Variants in HOMER3 observed in about 807,000 individuals in gnomAD.
HOMER3 encodes homer scaffold protein 3.
Under a neutral mutation model 45.5 loss-of-function variants are expected in HOMER3, and 34 were observed. The observed-to-expected ratio is 0.75, with a 90% CI of 0.57 to 1.00. The LOEUF (loss-of-function observed/expected upper bound fraction) is 1.00. HOMER3 is among the 50% of genes least tolerant of loss of function. The pLI, the probability that HOMER3 is intolerant of heterozygous loss-of-function variation, is 0.00. For missense variants in HOMER3, 480 were observed against 497.5 expected (o/e 0.96, Z 0.33); for synonymous variants, 223 against 208.8 (o/e 1.07, Z -0.58).
At chr19:18,936,205 T>C (rs2057090491) in intron 4 of HOMER3, among the ~76,000 whole-genome samples, 1 of 150,308 alleles carries the variant, frequency 6.7e-6, no homozygotes, top group Non-Finnish European at 1.5e-5. Context: ...CCCAGCTACT[T>C]GGGAGGCTGA....
At chr19:18,929,844 G>A (rs1024621824) in intron 9 of HOMER3, among the ~76,000 whole-genome samples, 2 of 152,008 alleles carry the variant, frequency 1.3e-5, no homozygotes, top group East Asian at 2.0e-4. Flanking sequence ...AAGGAGTTTC[G>A]CTCTTGTCGC....
At chr19:18,930,643 T>C (rs58575444) in intron 9 of HOMER3, among the ~76,000 whole-genome samples, 6,817 of 151,768 alleles carry the variant, frequency 0.045, 504 homozygotes, top group African/African-American at 0.15. Context: ...TTTGGGAGGC[T>C]GAGGGCAGAT....
At chr19:18,933,617 C>T (rs1305292101) in intron 5 of HOMER3, among the ~76,000 whole-genome samples, 6 of 152,204 alleles carry the variant, frequency 3.9e-5, no homozygotes, top group Non-Finnish European at 8.8e-5. Context: ...TGGTACACAG[C>T]AGGTGCTCAA....
intron 9 of HOMER3, 143 bp from the exon 10 acceptor site, chr19:18,929,777 C>A: frequency 1.7e-6 from 1 of 602,948 alleles, no homozygotes; most frequent in Non-Finnish European, 2.8e-6. Context: ...AAAATGCACA[C>A]CCCACAGGGG....
chr19:18,933,439 C>A (rs1438267617), intron 5 of HOMER3, among the ~76,000 whole-genome samples: 1 of 152,192 alleles, frequency 6.6e-6, no homozygotes, highest in East Asian at 1.9e-4. Context: ...CTGCCCAGGC[C>A]GAATTCGTGT....
chr19:18,929,592 C>G lies in HOMER3; in HGVS notation c.937G>C (p.Ala313Pro). 1 of 1,539,744 alleles carries G rather than the reference C, an allele frequency of 6.5e-7. No individual in the cohort carries two copies. The highest frequency in any genetic ancestry group is 8.8e-7 in the Non-Finnish European group (1 of 1,141,790). Residue 313 changes from alanine to proline, a missense_variant, in exon 10 of 10, where the codon GCG (alanine) becomes CCG (proline). Transcript: ENST00000392351. ...GCCTCCTCCAGGCTGCGCTCCATCG[C>G]CCGCAGCTGGTGCTCCAACTCCGCA... ...RNAELEHQLRAMERSLEEARA... is the reference protein window; with the variant it reads ...RNAELEHQLRPMERSLEEARA...
intron 9 of HOMER3, 97 bp from the exon 10 acceptor site, chr19:18,929,731 C>G (rs1287426823): frequency 4.7e-6 from 5 of 1,055,876 alleles, no homozygotes; most frequent in Admixed American, 3.0e-5. Flanking sequence ...CCTCTTCTGC[C>G]CAGAGCCATC....
chr19:18,932,994 A>C lies in HOMER3; in HGVS notation c.463T>G (p.Phe155Val). The change falls in exon 6 of 10, where the codon TTC becomes GTC. Residue 155 changes from phenylalanine (F) to valine (V), a missense_variant. Phe to Val is a conservative substitution (Grantham distance 50, BLOSUM62 -1). Coordinates refer to ENST00000392351, the MANE Select transcript of HOMER3 (RefSeq NM_004838.4). ...SANGPGEEKL[F>V]RSQSADAPGP... The stretch of plus-strand genomic sequence containing the variant: ...GGGGCATCAGCGCTCTGGCTGCGGA[A>C]CAGTTTTTCCTCGCCGGGGCCGTTG... The C allele has an allele frequency of 6.8e-7, 1 of 1,472,300 alleles. No individual in the cohort carries two copies. The highest frequency in any genetic ancestry group is 9.0e-7 in the Non-Finnish European group (1 of 1,114,842). The allele number at this position is 1,472,300 out of a possible 1,614,324, so 91.2% of individuals were successfully genotyped here.
intron 4 of HOMER3, among the ~76,000 whole-genome samples, chr19:18,936,958 G>A (rs569374947): frequency 6.8e-4 from 101 of 149,018 alleles, no homozygotes; most frequent in Middle Eastern, 3.6e-3. Context: ...CCAAGATCGC[G>A]CCACTGCACT....
Position 18,938,473 on chromosome 19 carries a change from G to A in HOMER3, c.183C>T (p.Asn61=). The change falls in exon 4 of 10, where the codon AAC becomes AAT. Residue 61 remains asparagine, a synonymous_variant. Coordinates refer to ENST00000392351, the MANE Select transcript of HOMER3 (RefSeq NM_004838.4). ...ISIGGAKAII[N]STVTPNMTFT... is the part of the protein sequence containing the mutation. ...AGGTCATGTTGGGAGTGACAGTGCT[G>A]TTGATGATGGCCTAGGGTCGGGGAA... 6.2e-7 allele frequency: 1 copy of A among 1,613,792 alleles called. No individual in the cohort carries two copies. The highest frequency in any genetic ancestry group is 8.5e-7 in the Non-Finnish European group (1 of 1,179,672).
chr19:18,939,563 G>A (rs564131296), intron 1 of HOMER3: 1 of 152,720 alleles, frequency 6.5e-6, no homozygotes, highest in East Asian at 1.9e-4. Flanking sequence ...ACCCTGTACA[G>A]GAGATGGCCC....
Position 18,932,019 on chromosome 19 carries a change from T to C in HOMER3, c.647A>G (p.Gln216Arg), listed in dbSNP as rs1184686836. The change falls in exon 7 of 10, where the codon CAG becomes CGG. Residue 216 changes from glutamine to arginine, a missense_variant. Coordinates refer to ENST00000392351, the MANE Select transcript of HOMER3 (RefSeq NM_004838.4). Reference sequence around the variant, plus strand: ...GGCCTCTGCACGCTGAGCCTCCAGCTGCTGCCTCCACTGGGCTGCGGCGGC... The same window carrying C: ...GGCCTCTGCACGCTGAGCCTCCAGCCGCTGCCTCCACTGGGCTGCGGCGGC... ...ANAAAAQWRQQLEAQRAEAER... is the reference protein window; with the variant it reads ...ANAAAAQWRQRLEAQRAEAER... The C allele has an allele frequency of 1.9e-6, 3 of 1,548,600 alleles. No homozygotes were observed. Among genetic ancestry groups the C allele is most frequent in the Non-Finnish European group, 2.6e-6 (3 of 1,147,092 alleles).
intron 1 of HOMER3, chr19:18,940,062 G>T (rs1474363250): frequency 6.5e-6 from 1 of 152,940 alleles, no homozygotes; most frequent in Non-Finnish European, 1.5e-5. Flanking sequence ...AGACAGGTGG[G>T]GGAGGGGAGG....
intron 1 of HOMER3, chr19:18,940,845 T>A (rs1345967196): frequency 6.6e-6 from 1 of 152,254 alleles, no homozygotes; most frequent in Non-Finnish European, 1.5e-5. Flanking sequence ...TCCAGAACTT[T>A]GGGAACCTCC....
rs1323774779 is a variant in HOMER3 at position 18,932,129 on chromosome 19, G to A, written c.537C>T (p.Ser179=). 7.7e-6 allele frequency: 12 copies of A among 1,555,218 alleles called. No individual in the cohort carries two copies. The highest frequency in any genetic ancestry group is 7.7e-5 in the Admixed American group (4 of 52,038). ...ERLKKMLSEG[S]VGEVQWEAEF... is the part of the protein sequence containing the mutation. ...CGGCCTCCCACTGTACCTCGCCCAC[G>A]GAGCTGCAGAGACACGAGGGTCGGC... The change falls in exon 7 of 10, where the codon TCC becomes TCT. Residue 179 remains serine, a synonymous_variant. Coordinates refer to ENST00000392351, the MANE Select transcript of HOMER3 (RefSeq NM_004838.4).
intron 4 of HOMER3, among the ~76,000 whole-genome samples, chr19:18,936,317 A>AAAATAAATAAAT (rs57691524): frequency 4.3e-5 from 6 of 138,976 alleles, no homozygotes; most frequent in South Asian, 2.2e-4. Context: ...CTGTCTCAAA[A>AAAATAAATAAAT]AAATAAATAA....
chr19:18,939,642 C>G (rs1353379742), intron 1 of HOMER3: 3 of 152,522 alleles, frequency 2.0e-5, no homozygotes, highest in African/African-American at 7.2e-5. Flanking sequence ...ATTGCACCCC[C>G]GTGAAGTCCC....
intron 5 of HOMER3, among the ~76,000 whole-genome samples, chr19:18,933,713 T>G (rs992984620): frequency 6.7e-6 from 1 of 150,146 alleles, no homozygotes; most frequent in Non-Finnish European, 1.5e-5. Context: ...CTTTCTTTCT[T>G]TTTTTTTTTG....
rs1287903092 is a variant in HOMER3 at position 18,941,061 on chromosome 19, C to A, written c.-78G>T. On this transcript the variant is annotated 5_prime_UTR_variant, in exon 1 of 10. Coordinates refer to ENST00000392351, the MANE Select transcript of HOMER3 (RefSeq NM_004838.4). ...GCAGGCCGGGCTCACCCTGCCAGGT[C>A]GGCGCCCCGCGAGTGTCCAGGCGCG... 2 of 151,684 alleles carry A rather than the reference C, an allele frequency of 1.3e-5. No individual in the cohort carries two copies. The highest frequency in any genetic ancestry group is 4.8e-5 in the African/African-American group (2 of 41,494). The allele number at this position is 151,684 out of a possible 1,614,324, so 9.4% of individuals were successfully genotyped here.
Sources: allele counts gnomAD v4.1 joint callset (sites outside exome capture counted in the v4.1 genomes callset), GRCh38; gene constraint gnomAD v4.1.1; transcripts MANE v1.5; gene names NCBI Gene and HGNC (gene_info 2026-07-23, HGNC 2026-07-21).